SAMD5: variants seen among roughly 807,000 people sequenced by gnomAD.
The protein encoded by SAMD5 is sterile alpha motif domain containing 5.
In SAMD5, 13 loss-of-function variants were observed where a neutral mutation model predicts 11.3. That is an observed-to-expected ratio of 1.15 (90% CI 0.75 to 1.83). The LOEUF is 1.83. Among genes scored for constraint, SAMD5 ranks in the 40% most tolerant of loss-of-function variants. The pLI is 0.00. For synonymous variants in SAMD5, 129 were observed against 111.3 expected (o/e 1.16, Z -1.00); for missense variants, 255 against 239.1 (o/e 1.07, Z -0.44).
chr6:147,750,368 G>A, the SAMD5 span, among the ~76,000 whole-genome samples: 1 of 152,012 alleles, frequency 6.6e-6, no homozygotes, highest in Non-Finnish European at 1.5e-5. Context: ...TCCCAATCTG[G>A]GTTATTATGT....
the SAMD5 span, among the ~76,000 whole-genome samples, chr6:147,945,961 G>A: frequency 4.6e-5 from 7 of 152,170 alleles, no homozygotes; most frequent in Non-Finnish European, 7.3e-5. Context: ...GAGGTCAGCC[G>A]AGCATTCAAG....
At chr6:147,750,904 T>C in the SAMD5 span, among the ~76,000 whole-genome samples, 1 of 152,110 alleles carries the variant, frequency 6.6e-6, no homozygotes, top group South Asian at 2.1e-4. Context: ...CCTGGTGACA[T>C]TGCAAGACTC....
At chr6:147,719,682 A>T (rs73787388) in intron 1 of SAMD5, among the ~76,000 whole-genome samples, 3,372 of 152,280 alleles carry the variant, frequency 0.022, 112 homozygotes, top group African/African-American at 0.078. Context: ...GTACAAATAT[A>T]CTCAGTAAAT....
chr6:147,558,004 T>C (rs1583081921), intron 1 of SAMD5, among the ~76,000 whole-genome samples: 1 of 152,074 alleles, frequency 6.6e-6, no homozygotes, highest in African/African-American at 2.4e-5. Flanking sequence ...CCCTGGGAGG[T>C]AGGCACAGAG....
At position 147,565,125 on chromosome 6, in the gene SAMD5, A is replaced by T. The variant is rs1789015401; in HGVS notation, c.*669A>T. ...TCTCTTTTTAAATTTAATCTGGCTG[A>T]GGTTTAGTATTAGGACTAATACAAG... On this transcript the variant is annotated 3_prime_UTR_variant, in exon 2 of 2. Coordinates refer to ENST00000367474, the MANE Select transcript of SAMD5 (RefSeq NM_001030060.3). The T allele has an allele frequency of 3.0e-6, 3 of 984,976 alleles. No homozygotes were observed. The highest frequency in any genetic ancestry group is 3.6e-6 in the Non-Finnish European group (3 of 829,402). 61.0% of individuals were successfully genotyped at this position (984,976 alleles called of 1,614,324 possible).
intron 1 of SAMD5, among the ~76,000 whole-genome samples, chr6:147,634,502 GA>G (rs1049865790): frequency 2.0e-5 from 3 of 152,250 alleles, no homozygotes; most frequent in East Asian, 1.9e-4. Context: ...TTTGGGTGGG[GA>G]AAAAATTCAA....
At chr6:147,531,807 A>C (rs984757056) in intron 1 of SAMD5, among the ~76,000 whole-genome samples, 5 of 152,338 alleles carry the variant, frequency 3.3e-5, no homozygotes, top group Non-Finnish European at 7.3e-5. Context: ...TCGGTCTAGA[A>C]AAAATTAATT....
In SAMD5 at chr6:147,567,646, C is replaced by T. The variant is rs145018122; in HGVS notation, c.*3190C>T. 41 of 985,288 alleles carry T rather than the reference C, an allele frequency of 4.2e-5. No individual in the cohort carries two copies. The East Asian group carries it at 4.1e-3, about 98-fold the overall frequency. The allele number at this position is 985,288 out of a possible 1,614,324, so 61.0% of individuals were successfully genotyped here. On this transcript the variant is annotated 3_prime_UTR_variant, in exon 2 of 2. Transcript: ENST00000367474. ...CATGTAGCAGGTGCTGACTGCCTCTCTCCCTTCCCTTCTTTACTCTCAGTT... is the reference window on the plus strand; with the variant it reads ...CATGTAGCAGGTGCTGACTGCCTCTTTCCCTTCCCTTCTTTACTCTCAGTT...
rs78171413 is a variant in SAMD5 at position 147,588,284 on chromosome 6, G to A, written c.162+78897G>A. 8.4e-3 allele frequency among the ~76,000 whole-genome samples: 1,250 copies of A among 149,366 alleles called. 10 individuals carry two copies. Among genetic ancestry groups the A allele is most frequent in the Middle Eastern group, 0.028 (8 of 282 alleles). On this transcript the variant is annotated intron_variant, in intron 1 of 1. Transcript: ENST00000566741. ...TTAAATGCACAATATGAATAATATCGGCCATTTTTTTTTCCTTTACTTTGT... is the reference window on the plus strand; with the variant it reads ...TTAAATGCACAATATGAATAATATCAGCCATTTTTTTTTCCTTTACTTTGT...
At chr6:147,768,805 AT>A in the SAMD5 span, among the ~76,000 whole-genome samples, 1 of 151,806 alleles carries the variant, frequency 6.6e-6, no homozygotes, top group Non-Finnish European at 1.5e-5. Context: ...TTATATATTT[AT>A]TTTTTTGAGA....
At chr6:147,621,249 A>G (rs975596057) in intron 1 of SAMD5, among the ~76,000 whole-genome samples, 1 of 152,214 alleles carries the variant, frequency 6.6e-6, no homozygotes, top group Non-Finnish European at 1.5e-5. Flanking sequence ...AAATTTTAGA[A>G]GTATGAAATA....
chr6:147,642,938 T>C (rs1790335820), intron 1 of SAMD5, among the ~76,000 whole-genome samples: 1 of 152,144 alleles, frequency 6.6e-6, no homozygotes, highest in Non-Finnish European at 1.5e-5. Context: ...GAATAAATAA[T>C]TGAGAAGCAC....
intron 1 of SAMD5, among the ~76,000 whole-genome samples, chr6:147,635,127 G>A (rs952516221): frequency 6.6e-6 from 1 of 152,148 alleles, no homozygotes; most frequent in Non-Finnish European, 1.5e-5. Context: ...AGTTTGTACT[G>A]TAGAGATATC....
the SAMD5 span, among the ~76,000 whole-genome samples, chr6:147,828,056 G>A: frequency 2.0e-5 from 3 of 152,016 alleles, no homozygotes; most frequent in African/African-American, 7.2e-5. Context: ...AAAGTGCTGG[G>A]ATTACAGGCG....
chr6:147,642,464 C>T lies in SAMD5; in HGVS notation c.163-94853C>T, dbSNP rs564537601. ...AAGTTAGGTGCCACTTTAATGATACCAGTGAGCAAGATGAACAAGTCATTT... is the reference window on the plus strand; with the variant it reads ...AAGTTAGGTGCCACTTTAATGATACTAGTGAGCAAGATGAACAAGTCATTT... On this transcript the variant is annotated intron_variant, in intron 1 of 1. Coordinates refer to the SAMD5 transcript ENST00000566741. 6.6e-5 allele frequency among the ~76,000 whole-genome samples: 10 copies of T among 152,218 alleles called. No individual in the cohort carries two copies. In the South Asian group the frequency reaches 2.1e-3, roughly 32 times the overall value.
chr6:147,868,820 A>G, the SAMD5 span, among the ~76,000 whole-genome samples: 7 of 152,250 alleles, frequency 4.6e-5, no homozygotes, highest in African/African-American at 1.7e-4. Context: ...TATAAAACAC[A>G]TATCAATCTC....
At chr6:147,700,249 A>AT (rs777446344) in intron 1 of SAMD5, among the ~76,000 whole-genome samples, 4 of 152,182 alleles carry the variant, frequency 2.6e-5, no homozygotes, top group Non-Finnish European at 1.5e-5. Flanking sequence ...CCTCTGCTCC[A>AT]TCCTGCCTTG....
At chr6:147,789,274 G>GAA in the SAMD5 span, among the ~76,000 whole-genome samples, 256 of 107,234 alleles carry the variant, frequency 2.4e-3, no homozygotes, top group Admixed American at 3.5e-3. Context: ...CCAGTCTCTA[G>GAA]AAAAACACAC....
rs554767795 is a variant in SAMD5 at position 147,684,284 on chromosome 6, A to G, written c.163-53033A>G. Among the ~76,000 whole-genome samples the G allele has an allele frequency of 6.6e-5, 10 of 152,224 alleles. No homozygotes were observed. In the South Asian group the frequency reaches 2.1e-3, roughly 32 times the overall value. ...TATTGCTTGTTGTTGTAATCTATTC[A>G]TCTTACTTCTCTATATAAATAATTA... On this transcript the variant is annotated intron_variant, in intron 1 of 1. Coordinates refer to the SAMD5 transcript ENST00000566741.
Sources: allele counts gnomAD v4.1 joint callset (sites outside exome capture counted in the v4.1 genomes callset), GRCh38; gene constraint gnomAD v4.1.1; transcripts MANE v1.5; gene names NCBI Gene and HGNC (gene_info 2026-07-23, HGNC 2026-07-21).